The following RORA variants were observed in gnomAD, a reference collection of about 807,000 sequenced individuals.
RORA encodes the protein RAR related orphan receptor A.
A neutral mutation model predicts 69.5 loss-of-function variants in RORA; 7 were observed. The ratio of observed to expected loss-of-function variants is 0.10; its 90% confidence interval spans 0.06 to 0.19. The LOEUF (loss-of-function observed/expected upper bound fraction) is 0.19. Ranked by LOEUF, RORA falls within the 10% of genes least tolerant of loss-of-function variation. The pLI, the probability that RORA is intolerant of heterozygous loss-of-function variation, is 1.00. For missense variants in RORA, 457 were observed against 663.0 expected, an observed-to-expected ratio of 0.69 and a Z score of 3.41; for synonymous variants, 261 against 240.8, an observed-to-expected ratio of 1.08 and a Z score of -0.78.
rs774626161 is a variant in RORA, at chr15:60,497,528, C to T, written c.1499G>A (p.Arg500Gln). 15 of 1,613,762 alleles carry T rather than the reference C, an allele frequency of 9.3e-6. No individual in the cohort carries two copies. The highest frequency in any genetic ancestry group is 1.3e-5 in the African/African-American group (1 of 74,886). The part of the protein sequence containing the change: ...AFKAIYPDIV[R>Q]LHFPPLYKEL... ...CTTGTATAATGGAGGAAAATGAAGTCGCACAATGTCTGGGTATATTGCTTT... is the reference window on the plus strand; with the variant it reads ...CTTGTATAATGGAGGAAAATGAAGTTGCACAATGTCTGGGTATATTGCTTT... The change falls in exon 11 of 11, where the codon CGA (arginine) becomes CAA (glutamine). Residue 500 changes from arginine to glutamine, a missense_variant. Transcript: ENST00000335670.
At chr15:60,978,960 T>C (rs28687768) in intron 1 of RORA, among the ~76,000 whole-genome samples, 2 of 103,064 alleles carry the variant, frequency 1.9e-5, no homozygotes, top group African/African-American at 7.5e-5. Context: ...CCAACTTTGC[T>C]CTTTTTTTTT....
chr15:60,901,155 T>C (rs926795966), intron 1 of RORA, among the ~76,000 whole-genome samples: 4 of 152,162 alleles, frequency 2.6e-5, no homozygotes, highest in Admixed American at 2.0e-4. Flanking sequence ...AAGTCTTAAA[T>C]GATCTTGATT....
At chr15:60,524,231 G>C (rs2066271730) in intron 3 of RORA, among the ~76,000 whole-genome samples, 1 of 152,106 alleles carries the variant, frequency 6.6e-6, no homozygotes, top group Non-Finnish European at 1.5e-5. Context: ...TTCTTGAGTT[G>C]GTTATTATAC....
chr15:60,824,888 G>C (rs925993462), intron 1 of RORA, among the ~76,000 whole-genome samples: 1 of 152,110 alleles, frequency 6.6e-6, no homozygotes, highest in Non-Finnish European at 1.5e-5. Flanking sequence ...AGCTGGCCAA[G>C]GACAAAATAA....
intron 2 of RORA, among the ~76,000 whole-genome samples, chr15:60,532,576 G>A (rs10775175): frequency 5.3e-5 from 8 of 152,166 alleles, no homozygotes; most frequent in East Asian, 3.9e-4. Context: ...TGGAAGACCC[G>A]CAAATAACAT....
intron 2 of RORA, among the ~76,000 whole-genome samples, chr15:60,663,399 T>G (rs2070332688): frequency 6.6e-6 from 1 of 152,226 alleles, no homozygotes; most frequent in African/African-American, 2.4e-5. Context: ...CAGAAGTTTT[T>G]AAAAAACTCT....
intron 1 of RORA, among the ~76,000 whole-genome samples, chr15:60,702,202 T>G (rs2070992482): frequency 6.6e-6 from 1 of 152,146 alleles, no homozygotes; most frequent in Non-Finnish European, 1.5e-5. Context: ...GGTACTCTTC[T>G]CATAGGGTTG....
At chr15:60,517,200 TG>T (rs1041731734) in intron 3 of RORA, among the ~76,000 whole-genome samples, 1 of 151,904 alleles carries the variant, frequency 6.6e-6, no homozygotes, top group Non-Finnish European at 1.5e-5. Flanking sequence ...TTGTAATGGC[TG>T]GGGGCCTTTG....
At chr15:61,202,357 T>G (rs930544765) in intron 1 of RORA, among the ~76,000 whole-genome samples, 2 of 152,196 alleles carry the variant, frequency 1.3e-5, no homozygotes, top group Middle Eastern at 3.2e-3. Context: ...CTTAAAAACA[T>G]AAGGTTTTTG....
intron 1 of RORA, among the ~76,000 whole-genome samples, chr15:61,004,507 G>A (rs1460670146): frequency 3.3e-5 from 5 of 152,040 alleles, no homozygotes; most frequent in South Asian, 2.1e-4. Context: ...CCAGGTCCCC[G>A]GAGCTAAGAA....
At chr15:61,178,833 G>A (rs2079655184) in intron 1 of RORA, among the ~76,000 whole-genome samples, 1 of 152,128 alleles carries the variant, frequency 6.6e-6, no homozygotes, top group Non-Finnish European at 1.5e-5. Flanking sequence ...GACACCCATG[G>A]CAAGTCCTTG....
At chr15:60,703,667 T>C (rs1567162463) in intron 1 of RORA, among the ~76,000 whole-genome samples, 2 of 152,158 alleles carry the variant, frequency 1.3e-5, no homozygotes, top group Non-Finnish European at 2.9e-5. Flanking sequence ...TTTTCTCTGG[T>C]TATTTCAGGG....
At chr15:60,720,421 G>C (rs1232002298) in intron 1 of RORA, among the ~76,000 whole-genome samples, 1 of 152,164 alleles carries the variant, frequency 6.6e-6, no homozygotes, top group Non-Finnish European at 1.5e-5. Flanking sequence ...GAAAAACCCA[G>C]ACTGTCCAAT....
At chr15:60,929,516 G>GCGAGAAGGAGATA (rs1892314375) in intron 1 of RORA, among the ~76,000 whole-genome samples, 1 of 152,174 alleles carries the variant, frequency 6.6e-6, no homozygotes, top group African/African-American at 2.4e-5. Flanking sequence ...ATAATGCTAG[G>GCGAGAAGGAGATA]ACAGCCACTT....
chr15:60,958,127 A>G lies in RORA; in HGVS notation c.166+270926T>C, dbSNP rs28661206. ...ACACAAATCTAAAATCTGAGCTAGA[A>G]TTTTGGTGGGCAAAAGTTCATATCT... On this transcript the variant is annotated intron_variant, in intron 1 of 10. Transcript: ENST00000335670. 5.1e-3 allele frequency among the ~76,000 whole-genome samples: 782 copies of G among 152,338 alleles called. 5 individuals are homozygous for G. Among genetic ancestry groups the G allele is most frequent in the African/African-American group, 0.018 (743 of 41,570 alleles).
intron 3 of RORA, among the ~76,000 whole-genome samples, chr15:60,517,852 G>C (rs1192690689): frequency 6.6e-6 from 1 of 152,188 alleles, no homozygotes; most frequent in Non-Finnish European, 1.5e-5. Context: ...TATGAGGAAT[G>C]TCTGAATGAT....
chr15:60,957,689 G>T (rs1047300332), intron 1 of RORA, among the ~76,000 whole-genome samples: 1 of 152,182 alleles, frequency 6.6e-6, no homozygotes, highest in Admixed American at 6.5e-5. Flanking sequence ...CCTGGAGGAG[G>T]TCACACCTAA....
chr15:60,760,468 A>G (rs1464346176), intron 1 of RORA, among the ~76,000 whole-genome samples: 2 of 152,158 alleles, frequency 1.3e-5, no homozygotes, highest in African/African-American at 4.8e-5. Context: ...TTTTTGTGAG[A>G]ACTTTGGGAG....
At chr15:60,789,942 G>T (rs1393313252) in intron 1 of RORA, among the ~76,000 whole-genome samples, 1 of 152,192 alleles carries the variant, frequency 6.6e-6, no homozygotes, top group East Asian at 1.9e-4. Flanking sequence ...AATAACTTTG[G>T]GAAGGATATT....
Sources: gnomAD v4.1 joint callset for allele counts (sites outside exome capture counted in the v4.1 genomes callset) on GRCh38, gnomAD v4.1.1 for gene constraint, MANE v1.5 for transcripts, NCBI Gene and HGNC (gene_info 2026-07-23, HGNC 2026-07-21) for gene names.